Variants in RBFOX1 observed in about 807,000 individuals in gnomAD.
RBFOX1 encodes RNA binding fox-1 homolog 1.
In RBFOX1, 8 loss-of-function variants were observed where a neutral mutation model predicts 57.7. The ratio of observed to expected loss-of-function variants is 0.14; its 90% CI spans 0.08 to 0.25. The LOEUF is 0.25. Among genes scored for constraint, RBFOX1 ranks in the 10% least tolerant of loss-of-function variants. RBFOX1 has a pLI of 1.00. For synonymous variants in RBFOX1, 326 were observed against 222.4 expected (o/e 1.47, Z -4.15); for missense variants, 611 against 548.5 (o/e 1.11, Z -1.14).
At chr16:7,566,044 T>C (rs1248009200) in intron 5 of RBFOX1, among the ~76,000 whole-genome samples, 1 of 152,188 alleles carries the variant, frequency 6.6e-6, no homozygotes, top group African/African-American at 2.4e-5. Context: ...GCTTTTGATA[T>C]AGTGCATCTG....
chr16:5,607,456 A>G (rs1181218294), intron 3 of RBFOX1, among the ~76,000 whole-genome samples: 1 of 152,048 alleles, frequency 6.6e-6, no homozygotes, highest in African/African-American at 2.4e-5. Flanking sequence ...GGGGAAATCT[A>G]TTTAGTGATT....
chr16:6,392,349 C>G (rs2092641932), intron 2 of RBFOX1, among the ~76,000 whole-genome samples: 1 of 152,126 alleles, frequency 6.6e-6, no homozygotes, highest in Non-Finnish European at 1.5e-5. Context: ...AATTGTTTGT[C>G]TCCTGGACCA....
At chr16:6,522,646 G>A (rs532384669) in intron 2 of RBFOX1, among the ~76,000 whole-genome samples, 4 of 152,028 alleles carry the variant, frequency 2.6e-5, no homozygotes, top group Admixed American at 6.6e-5. Context: ...ATTCAGTACC[G>A]GGGTTAATAC....
intron 3 of RBFOX1, among the ~76,000 whole-genome samples, chr16:7,020,235 C>G (rs573189171): frequency 1.3e-5 from 2 of 151,812 alleles, no homozygotes; most frequent in South Asian, 2.1e-4. Context: ...TCTTTATTTC[C>G]TCTTTTTTTA....
At chr16:6,797,370 T>C (rs1304643795) in intron 3 of RBFOX1, among the ~76,000 whole-genome samples, 1 of 152,124 alleles carries the variant, frequency 6.6e-6, no homozygotes, top group Non-Finnish European at 1.5e-5. Context: ...AGAGTGGAGA[T>C]TATTAACAGG....
chr16:6,919,261 T>C (rs1173521228), intron 3 of RBFOX1, among the ~76,000 whole-genome samples: 1 of 152,110 alleles, frequency 6.6e-6, no homozygotes, highest in East Asian at 1.9e-4. Flanking sequence ...GGGCTGGGAT[T>C]ACAGGTGTGA....
chr16:6,322,798 G>A (rs1249192896), intron 2 of RBFOX1, among the ~76,000 whole-genome samples: 1 of 152,194 alleles, frequency 6.6e-6, no homozygotes, highest in Non-Finnish European at 1.5e-5. Context: ...ATGAGAACAG[G>A]CATGGCCTAG....
chr16:6,152,679 C>T (rs1490350118), intron 1 of RBFOX1, among the ~76,000 whole-genome samples: 2 of 123,146 alleles, frequency 1.6e-5, no homozygotes, highest in East Asian at 2.0e-4. Context: ...CTATGGCTTT[C>T]GTACCTTCAA....
At chr16:6,178,943 C>T (rs1410926337) in intron 1 of RBFOX1, among the ~76,000 whole-genome samples, 1 of 152,080 alleles carries the variant, frequency 6.6e-6, no homozygotes, top group Non-Finnish European at 1.5e-5. Context: ...AAATTAGGGG[C>T]CAAAATTCCT....
At chr16:5,739,232 T>A (rs892786537) in intron 3 of RBFOX1, among the ~76,000 whole-genome samples, 7 of 152,214 alleles carry the variant, frequency 4.6e-5, no homozygotes, top group African/African-American at 1.7e-4. Flanking sequence ...AACTCATGAT[T>A]GAGGGGGAAC....
intron 4 of RBFOX1, among the ~76,000 whole-genome samples, chr16:7,064,780 G>GC (rs1399961030): frequency 6.6e-6 from 1 of 152,078 alleles, no homozygotes; most frequent in Non-Finnish European, 1.5e-5. Context: ...CCAACAAAAA[G>GC]CCCCCCGAAC....
chr16:7,703,328 C>G (rs915824219), intron 14 of RBFOX1, among the ~76,000 whole-genome samples: 12 of 152,268 alleles, frequency 7.9e-5, no homozygotes, highest in African/African-American at 2.6e-4. Flanking sequence ...GGGAGGGGTA[C>G]AAGCCCATGC....
At chr16:6,907,409 A>G (rs2070308977) in intron 3 of RBFOX1, among the ~76,000 whole-genome samples, 1 of 152,198 alleles carries the variant, frequency 6.6e-6, no homozygotes, top group South Asian at 2.1e-4. Flanking sequence ...TTCTTTAAGA[A>G]AGAACTAAAG....
chr16:5,437,681 T>C (rs2067958212), intron 1 of RBFOX1, among the ~76,000 whole-genome samples: 1 of 152,196 alleles, frequency 6.6e-6, no homozygotes, highest in Non-Finnish European at 1.5e-5. Context: ...AATCCGTCTA[T>C]GGTAAAACTA....
intron 3 of RBFOX1, among the ~76,000 whole-genome samples, chr16:6,670,312 C>A (rs1342710553): frequency 6.6e-6 from 1 of 152,034 alleles, no homozygotes; most frequent in Non-Finnish European, 1.5e-5. Flanking sequence ...TCAAGCAGTC[C>A]TTCCATCTTG....
At chr16:6,611,064 G>C (rs867005930) in intron 2 of RBFOX1, among the ~76,000 whole-genome samples, 5 of 152,130 alleles carry the variant, frequency 3.3e-5, no homozygotes, top group African/African-American at 1.2e-4. Context: ...TTACCATTAA[G>C]GCCTAAGAAG....
chr16:6,460,472 C>CATGCGGCCAAACATATGAGAACAT (rs1489927931), intron 2 of RBFOX1, among the ~76,000 whole-genome samples: 1 of 150,896 alleles, frequency 6.6e-6, no homozygotes, highest in Non-Finnish European at 1.5e-5. Flanking sequence ...AAAAAACATA[C>CATGCGGCCAAACATATGAGAACAT]ATGCGGCCAA....
intron 1 of RBFOX1, among the ~76,000 whole-genome samples, chr16:6,108,522 A>G (rs2096408512): frequency 6.6e-6 from 1 of 152,222 alleles, no homozygotes; most frequent in East Asian, 1.9e-4. Context: ...TTATTATTAA[A>G]TAGCAGAAGT....
At chr16:7,224,476 T>A (rs191324227) in intron 4 of RBFOX1, among the ~76,000 whole-genome samples, 2 of 152,056 alleles carry the variant, frequency 1.3e-5, no homozygotes, top group Admixed American at 6.6e-5. Flanking sequence ...TGGCTGCAAA[T>A]GATCGAGCTA....
Sources: gnomAD v4.1 joint callset for allele counts (sites outside exome capture counted in the v4.1 genomes callset) on GRCh38, gnomAD v4.1.1 for gene constraint, MANE v1.5 for transcripts, NCBI Gene and HGNC (gene_info 2026-07-23, HGNC 2026-07-21) for gene names.